Variants in DPP10 observed in about 807,000 individuals in gnomAD.
DPP10 encodes the protein dipeptidyl peptidase like 10.
A neutral mutation model predicts 120.9 loss-of-function variants in DPP10; 33 were observed. The ratio of observed to expected loss-of-function variants is 0.27; its 90% CI spans 0.21 to 0.37. The LOEUF (loss-of-function observed/expected upper bound fraction) is 0.37. DPP10 is among the 10% of genes least tolerant of loss of function. The probability of loss-of-function intolerance (pLI) is 1.00; values close to 1 mark genes in which losing one functional copy is unlikely to be tolerated. For missense variants in DPP10, 816 were observed against 942.8 expected (o/e 0.87, Z 1.76); for synonymous variants, 337 against 326.1 (o/e 1.03, Z -0.36).
chr2:114,443,951 G>A (rs1245087310), intron 1 of DPP10, among the ~76,000 whole-genome samples: 1 of 152,102 alleles, frequency 6.6e-6, no homozygotes, highest in African/African-American at 2.4e-5. Context: ...TTGCCAGAGT[G>A]TTTCAGTGAT....
At chr2:115,645,029 T>C (rs2087117197) in intron 5 of DPP10, among the ~76,000 whole-genome samples, 1 of 152,186 alleles carries the variant, frequency 6.6e-6, no homozygotes, top group Non-Finnish European at 1.5e-5. Flanking sequence ...GTGAACTGTA[T>C]AGGAACTTGC....
At chr2:115,466,742 A>T (rs757950008) in intron 3 of DPP10, among the ~76,000 whole-genome samples, 1 of 152,180 alleles carries the variant, frequency 6.6e-6, no homozygotes, top group Admixed American at 6.5e-5. Flanking sequence ...CTTGTCAGAA[A>T]TGTAGTTCTA....
At chr2:114,479,504 T>C (rs1014300765) in intron 1 of DPP10, among the ~76,000 whole-genome samples, 1 of 152,054 alleles carries the variant, frequency 6.6e-6, no homozygotes, top group Non-Finnish European at 1.5e-5. Flanking sequence ...TTTCAACAAA[T>C]GGTTTTGCAG....
chr2:114,575,879 C>A (rs892669812), intron 1 of DPP10, among the ~76,000 whole-genome samples: 2 of 152,132 alleles, frequency 1.3e-5, no homozygotes, highest in African/African-American at 2.4e-5. Context: ...CATCCCCACC[C>A]CCTCCACTTA....
chr2:114,625,141 C>T (rs1573821009), intron 1 of DPP10, among the ~76,000 whole-genome samples: 1 of 152,062 alleles, frequency 6.6e-6, no homozygotes, highest in East Asian at 1.9e-4. Context: ...GCTGACATTG[C>T]TAAAGTCTTT....
chr2:115,377,208 C>T (rs1438479771), intron 3 of DPP10, among the ~76,000 whole-genome samples: 1 of 151,754 alleles, frequency 6.6e-6, no homozygotes, highest in Non-Finnish European at 1.5e-5. Context: ...TCCTCTCCAG[C>T]ACCTGTTGTT....
chr2:114,980,704 C>A (rs1700028879), intron 1 of DPP10, among the ~76,000 whole-genome samples: 2 of 151,670 alleles, frequency 1.3e-5, no homozygotes, highest in South Asian at 4.2e-4. Context: ...AAACACAATC[C>A]CAGGTTCAAT....
At chr2:115,244,083 C>T (rs1163084492) in intron 1 of DPP10, among the ~76,000 whole-genome samples, 1 of 150,642 alleles carries the variant, frequency 6.6e-6, no homozygotes, top group Admixed American at 6.6e-5. Context: ...AAAATAAATG[C>T]TTAGGACAAT....
intron 1 of DPP10, among the ~76,000 whole-genome samples, chr2:114,479,922 C>T (rs1009509071): frequency 6.6e-6 from 1 of 152,088 alleles, no homozygotes; most frequent in South Asian, 2.1e-4. Context: ...TCAGAGTGAA[C>T]AGGCAACCTA....
intron 1 of DPP10, among the ~76,000 whole-genome samples, chr2:114,872,048 G>A (rs1286228624): frequency 1.3e-5 from 2 of 152,174 alleles, no homozygotes; most frequent in Non-Finnish European, 2.9e-5. Context: ...ATTAACATTA[G>A]CAAAGAGCTT....
intron 15 of DPP10, among the ~76,000 whole-genome samples, chr2:115,779,260 T>A (rs1682470114): frequency 6.6e-6 from 1 of 152,130 alleles, no homozygotes; most frequent in Non-Finnish European, 1.5e-5. Context: ...CTCTGACATG[T>A]ACTAGTGTAG....
intron 5 of DPP10, among the ~76,000 whole-genome samples, chr2:115,589,492 C>T (rs769287987): frequency 6.6e-6 from 1 of 152,038 alleles, no homozygotes; most frequent in African/African-American, 2.4e-5. Context: ...TCCTACTTTC[C>T]GTCAATAACG....
intron 1 of DPP10, chr2:115,161,061 C>CA (rs1273391190): frequency 2.0e-5 from 3 of 152,298 alleles, no homozygotes; most frequent in Non-Finnish European, 4.4e-5. Flanking sequence ...AAATGAGTAT[C>CA]AGAGTCTTAT....
chr2:115,786,263 G>A (rs1015956555), intron 17 of DPP10, among the ~76,000 whole-genome samples: 13 of 152,230 alleles, frequency 8.5e-5, no homozygotes, highest in Middle Eastern at 3.4e-3. Flanking sequence ...ACATAAGAAC[G>A]CATAAAAGTG....
intron 1 of DPP10, among the ~76,000 whole-genome samples, chr2:114,659,588 C>A (rs943792045): frequency 1.3e-5 from 2 of 152,008 alleles, no homozygotes; most frequent in African/African-American, 4.8e-5. Flanking sequence ...AGAGTGCATT[C>A]ATTGCTTCCT....
chr2:115,493,835 A>G (rs1432829022), intron 3 of DPP10, among the ~76,000 whole-genome samples: 3 of 152,166 alleles, frequency 2.0e-5, no homozygotes, highest in African/African-American at 7.2e-5. Flanking sequence ...AATAGCTTGT[A>G]TGGCTGTTAT....
chr2:114,993,345 T>C (rs1700858047), intron 1 of DPP10, among the ~76,000 whole-genome samples: 1 of 122,422 alleles, frequency 8.2e-6, no homozygotes, highest in Admixed American at 9.9e-5. Context: ...ACTTGGTACT[T>C]GGCACAGGGT....
chr2:115,701,618 TA>T (rs2091892027), intron 7 of DPP10, among the ~76,000 whole-genome samples: 1 of 152,050 alleles, frequency 6.6e-6, no homozygotes, highest in African/African-American at 2.4e-5. Context: ...TATCAAAACT[TA>T]AAACTTTTGT....
intron 1 of DPP10, among the ~76,000 whole-genome samples, chr2:115,237,252 T>C (rs1249077470): frequency 6.6e-6 from 1 of 152,170 alleles, no homozygotes; most frequent in Non-Finnish European, 1.5e-5. Context: ...TTCATTATTA[T>C]TGTATCTGTT....
Sources: gnomAD v4.1 joint callset for allele counts (sites outside exome capture counted in the v4.1 genomes callset) on GRCh38, gnomAD v4.1.1 for gene constraint, MANE v1.5 for transcripts, NCBI Gene and HGNC (gene_info 2026-07-23, HGNC 2026-07-21) for gene names.